The following CCAR1 variants were observed in gnomAD, a reference collection of about 807,000 sequenced individuals.
CCAR1 encodes the protein cell division cycle and apoptosis regulator 1, also known as cell division cycle and apoptosis regulator protein 1.
CCAR1 carries 78 observed loss-of-function variants against 163.8 expected under a neutral mutation model. That is an observed-to-expected ratio of 0.48 (90% CI 0.40 to 0.57). The LOEUF (loss-of-function observed/expected upper bound fraction) is 0.57, where lower values mean the gene tolerates loss of function less well. Ranked by LOEUF, CCAR1 falls within the 20% of genes least tolerant of loss-of-function variation. The pLI, the probability that CCAR1 is intolerant of heterozygous loss-of-function variation, is 0.00. For synonymous variants in CCAR1, 443 were observed against 460.7 expected (o/e 0.96, Z 0.49); for missense variants, 1,019 against 1,365.2 (o/e 0.75, Z 4.00).
At position 68,789,739 on chromosome 10, in the gene CCAR1, G is replaced by T; in HGVS notation, c.3217G>T (p.Glu1073Ter). ...AGATGAAAAAACCATATTAAATTTG[G>T]AGAATTCCAACAAAAGCCTCTCTGG... is the stretch of plus-strand genomic sequence containing the variant. Reference protein sequence around the residue: ...DEDEKTILNLENSNKSLSGEL... With the variant: ...DEDEKTILNL Residue 1073 changes from glutamate (E) to a stop codon, truncating the protein, a stop_gained, in exon 24 of 25, where the codon GAG becomes TAG. Transcript: ENST00000265872. LOFTEE classifies it high-confidence loss of function. 6.3e-7 allele frequency: 1 copy of T among 1,584,760 alleles called. No individual in the cohort carries two copies. Among genetic ancestry groups the T allele is most frequent in the Non-Finnish European group, 8.5e-7 (1 of 1,170,198 alleles).
intron 2 of CCAR1, among the ~76,000 whole-genome samples, chr10:68,724,802 A>G (rs148941314): frequency 6.4e-4 from 97 of 152,216 alleles, no homozygotes; most frequent in African/African-American, 2.2e-3. Context: ...AAAGAAAGAA[A>G]ACCAACTCTA....
chr10:68,746,319 C>T (rs945950971), intron 6 of CCAR1, among the ~76,000 whole-genome samples: 3 of 152,070 alleles, frequency 2.0e-5, no homozygotes, highest in Non-Finnish European at 2.9e-5. Context: ...CTCTATCGCC[C>T]AGGCTGGAGT....
At chr10:68,728,953 G>GA (rs746099335) in intron 2 of CCAR1, among the ~76,000 whole-genome samples, 401 of 107,696 alleles carry the variant, frequency 3.7e-3, no homozygotes, top group African/African-American at 5.8e-3. Flanking sequence ...CTCCGTCCCA[G>GA]AAAAAAAAAA....
chr10:68,748,392 C>T (rs1212191279), intron 8 of CCAR1, among the ~76,000 whole-genome samples: 5 of 151,374 alleles, frequency 3.3e-5, no homozygotes, highest in Non-Finnish European at 2.9e-5. Context: ...AAGAGCAAAA[C>T]TCTGTCTCAA....
chr10:68,781,058 C>G (rs1048028540), intron 19 of CCAR1, among the ~76,000 whole-genome samples: 1 of 150,066 alleles, frequency 6.7e-6, no homozygotes, highest in Non-Finnish European at 1.5e-5. Context: ...ATGGCGAAAC[C>G]CTGTCTCTAC....
intron 2 of CCAR1, among the ~76,000 whole-genome samples, chr10:68,732,333 C>G (rs973753477): frequency 1.3e-5 from 2 of 150,226 alleles, no homozygotes; most frequent in South Asian, 2.1e-4. Context: ...ATTACCAGAA[C>G]AGTTTTGTTT....
Position 68,727,081 on chromosome 10 carries a change from T to G in CCAR1, c.73+4504T>G, listed in dbSNP as rs561023543. On this transcript the variant is annotated intron_variant, in intron 2 of 24. Coordinates refer to ENST00000265872, the MANE Select transcript of CCAR1 (RefSeq NM_018237.4). The stretch of plus-strand genomic sequence containing the variant: ...AACTAGATTTTTTTTTTTGTTTTTT[T>G]TTTTTTGACAGAGTCTTGCTCTGTC... 6.7e-5 allele frequency among the ~76,000 whole-genome samples: 10 copies of G among 148,368 alleles called. No homozygotes were observed. In the South Asian group the frequency reaches 1.7e-3, roughly 26 times the overall value.
At chr10:68,759,774 C>T (rs543475524) in intron 15 of CCAR1, among the ~76,000 whole-genome samples, 1 of 151,784 alleles carries the variant, frequency 6.6e-6, no homozygotes, top group Non-Finnish European at 1.5e-5. Context: ...CATCCTGTTG[C>T]GTTAACATTA....
intron 19 of CCAR1, among the ~76,000 whole-genome samples, chr10:68,776,000 T>G (rs1389969284): frequency 6.6e-6 from 1 of 151,678 alleles, no homozygotes; most frequent in East Asian, 2.0e-4. Flanking sequence ...CAGCCTAATT[T>G]TTGTATTTTT....
chr10:68,783,235 G>A (rs1036114678), intron 19 of CCAR1, among the ~76,000 whole-genome samples: 17 of 151,668 alleles, frequency 1.1e-4, no homozygotes, highest in Non-Finnish European at 5.9e-5. Flanking sequence ...TGTTGCCCAG[G>A]CTGGAATGCA....
intron 15 of CCAR1, 56 bp from the exon 16 acceptor site, chr10:68,760,951 C>T (rs1356824210): frequency 3.9e-6 from 2 of 518,310 alleles, no homozygotes; most frequent in Non-Finnish European, 6.5e-6. Context: ...ATATCCGCTG[C>T]CCCCCGCCCC....
chr10:68,749,475 T>C (rs1347945300), intron 9 of CCAR1, 49 bp from the exon 10 acceptor site: 1 of 1,490,030 alleles, frequency 6.7e-7, no homozygotes, highest in Non-Finnish European at 9.2e-7. Flanking sequence ...TTGAAGAGCT[T>C]TTCCATAATA....
chr10:68,756,203 A>G lies in CCAR1; in HGVS notation c.1626-70A>G. ...GCAAAATTTCTTTACTTGATGTGCT[A>G]CAAGTGAACTAGGGTCTTTAAAATG... On this transcript the variant is annotated intron_variant, in intron 13 of 24. Transcript: ENST00000265872. The surrounding 1 kb of genome is among the most constrained non-coding windows in gnomAD (Gnocchi z 5.1). 1 of 1,258,346 alleles carries G rather than the reference A, an allele frequency of 7.9e-7. No individual in the cohort carries two copies. 77.9% of individuals were successfully genotyped at this position (1,258,346 alleles called of 1,614,324 possible). A position where few individuals can be genotyped will look rare whatever the true frequency, so the allele number is the denominator to read the frequency against.
At chr10:68,739,409 A>C (rs945225509) in intron 4 of CCAR1, among the ~76,000 whole-genome samples, 6 of 151,996 alleles carry the variant, frequency 3.9e-5, no homozygotes, top group African/African-American at 1.4e-4. Context: ...TTGGCCTCCC[A>C]AAGTGCTGGG....
intron 17 of CCAR1, 44 bp downstream of exon 17, chr10:68,766,123 A>C: frequency 8.8e-7 from 1 of 1,140,968 alleles, no homozygotes; most frequent in Non-Finnish European, 1.3e-6. Flanking sequence ...AGGTCCACAC[A>C]TTATGACTAG....
intron 3 of CCAR1, 114 bp from the exon 4 acceptor site, chr10:68,737,731 A>G: frequency 1.9e-6 from 1 of 516,440 alleles, no homozygotes; most frequent in Non-Finnish European, 3.4e-6. Flanking sequence ...CCACACCAGA[A>G]CAGAAAGTTT....
intron 5 of CCAR1, among the ~76,000 whole-genome samples, chr10:68,741,134 G>A (rs886783760): frequency 3.3e-5 from 5 of 151,802 alleles, no homozygotes; most frequent in Admixed American, 6.6e-5. Context: ...AGCTGGTCTC[G>A]CCTAAGGTCC....
intron 2 of CCAR1, among the ~76,000 whole-genome samples, chr10:68,734,787 A>G (rs907273361): frequency 6.6e-6 from 1 of 152,008 alleles, no homozygotes. Context: ...TTTCTAGGAG[A>G]TGCATTTTTG....
In CCAR1 at chr10:68,737,066, CTTA is replaced by C. The variant is rs753816365; in HGVS notation, c.246+24_246+26del. 3 of 1,583,550 alleles carry C rather than the reference CTTA, an allele frequency of 1.9e-6. No homozygotes were observed. Among genetic ancestry groups the C allele is most frequent in the South Asian group, 2.2e-5 (2 of 89,732 alleles). On this transcript the variant is annotated intron_variant, in intron 3 of 24. Coordinates refer to ENST00000265872, the MANE Select transcript of CCAR1 (RefSeq NM_018237.4). ...TACAACAGGTAAATCTTTAATATGT[CTTA>C]TTATTTGATGTAGAAAACTTTATGA...
Sources: gnomAD v4.1 joint callset for allele counts (sites outside exome capture counted in the v4.1 genomes callset) on GRCh38, gnomAD v4.1.1 for gene constraint, Gnocchi (gnomAD v3.1) non-coding constraint, MANE v1.5 for transcripts, NCBI Gene and HGNC (gene_info 2026-07-23, HGNC 2026-07-21) for gene names.